Variants in PDE1A observed in about 807,000 individuals in gnomAD.
The protein encoded by PDE1A is dual specificity calcium/calmodulin-dependent 3',5'-cyclic nucleotide phosphodiesterase 1A.
PDE1A carries 35 observed loss-of-function variants against 61.7 expected under a neutral mutation model. The observed-to-expected ratio is 0.57, with a 90% CI of 0.43 to 0.75. The LOEUF (loss-of-function observed/expected upper bound fraction) is 0.75, where lower values mean the gene tolerates loss of function less well. Ranked by LOEUF, PDE1A falls within the 30% of genes least tolerant of loss-of-function variation. The pLI is 0.00. For synonymous variants in PDE1A, 232 were observed against 213.2 expected, an observed-to-expected ratio of 1.09 and a Z score of -0.77; for missense variants, 597 against 630.6, an observed-to-expected ratio of 0.95 and a Z score of 0.57.
intron 7 of PDE1A, among the ~76,000 whole-genome samples, chr2:182,206,505 G>T (rs1309414926): frequency 6.6e-6 from 1 of 152,130 alleles, no homozygotes; most frequent in African/African-American, 2.4e-5. Context: ...TACTATTATA[G>T]TACCATACAG....
intron 1 of PDE1A, among the ~76,000 whole-genome samples, chr2:182,360,673 T>C (rs1182580804): frequency 1.3e-5 from 2 of 151,880 alleles, no homozygotes; most frequent in African/African-American, 4.8e-5. Flanking sequence ...AAAGTGAATA[T>C]AATAGTAATG....
chr2:182,404,450 G>A (rs1702191127), intron 1 of PDE1A, among the ~76,000 whole-genome samples: 2 of 152,092 alleles, frequency 1.3e-5, no homozygotes, highest in Admixed American at 6.6e-5. Flanking sequence ...TTTTTTAAAT[G>A]TTTCTTTCTT....
At chr2:182,168,732 T>C (rs1043857924) in intron 13 of PDE1A, among the ~76,000 whole-genome samples, 3 of 152,142 alleles carry the variant, frequency 2.0e-5, no homozygotes, top group Non-Finnish European at 2.9e-5. Context: ...GAAATGATAT[T>C]CTATCTGTGA....
chr2:182,559,771 A>G, the PDE1A span, among the ~76,000 whole-genome samples: 1 of 152,216 alleles, frequency 6.6e-6, no homozygotes, highest in Non-Finnish European at 1.5e-5. Context: ...TATTCACACA[A>G]TGAAGCACTA....
chr2:182,154,714 G>C (rs1023946803), intron 13 of PDE1A, among the ~76,000 whole-genome samples: 1 of 152,112 alleles, frequency 6.6e-6, no homozygotes, highest in African/African-American at 2.4e-5. Context: ...CCGTGAGTCC[G>C]TTAAACCTCT....
At chr2:182,310,417 T>C (rs1415559066) in intron 1 of PDE1A, among the ~76,000 whole-genome samples, 1 of 152,184 alleles carries the variant, frequency 6.6e-6, no homozygotes, top group Admixed American at 6.5e-5. Flanking sequence ...AGGGAAATCA[T>C]TGAAAAAGAA....
intron 1 of PDE1A, among the ~76,000 whole-genome samples, chr2:182,402,968 A>G (rs542712230): frequency 8.5e-5 from 13 of 152,352 alleles, no homozygotes; most frequent in African/African-American, 3.1e-4. Flanking sequence ...CAAAGCCACA[A>G]TGAGATACCA....
exon 5 of PDE1A, chr2:182,231,038 A>G: frequency 6.3e-7 from 1 of 1,586,952 alleles, no homozygotes; most frequent in Non-Finnish European, 8.6e-7. Flanking sequence ...ATAAGATCAT[A>G]TCTGGTAAAC....
intron 2 of PDE1A, among the ~76,000 whole-genome samples, chr2:182,449,040 T>TCATACA (rs1468051953): frequency 3.1e-4 from 28 of 90,326 alleles, no homozygotes; most frequent in African/African-American, 1.0e-3. Context: ...CAGGATCACA[T>TCATACA]CATACACATA....
intron 13 of PDE1A, among the ~76,000 whole-genome samples, chr2:182,182,825 C>A (rs550549526): frequency 6.6e-6 from 1 of 151,894 alleles, no homozygotes; most frequent in Non-Finnish European, 1.5e-5. Context: ...CTCCATCATT[C>A]TCTTTCTAAC....
Position 182,169,916 on chromosome 2 carries a change from A to ACG in PDE1A, c.1517-1627_1517-1626insCG, listed in dbSNP as rs778813664. 8.7e-3 allele frequency among the ~76,000 whole-genome samples: 1,050 copies of ACG among 121,092 alleles called. 11 individuals carry two copies. The highest frequency in any genetic ancestry group is 0.032 in the African/African-American group (953 of 29,734). 79.4% of individuals were successfully genotyped at this position (121,092 alleles called of 152,430 possible). On this transcript the variant is annotated intron_variant, in intron 13 of 13. Transcript: ENST00000351439. ...GACACACACACACACACACACACAC[A>ACG]CACACGCACACACACACACACACTC...
chr2:182,350,797 C>T (rs965071301), intron 1 of PDE1A, among the ~76,000 whole-genome samples: 1 of 152,066 alleles, frequency 6.6e-6, no homozygotes, highest in Non-Finnish European at 1.5e-5. Context: ...AGGTAGAGTC[C>T]CCCAGGACCC....
chr2:182,339,564 C>G (rs768173897), intron 1 of PDE1A, among the ~76,000 whole-genome samples: 1 of 152,124 alleles, frequency 6.6e-6, no homozygotes, highest in Non-Finnish European at 1.5e-5. Context: ...CAATTCAATT[C>G]TTTGTGTTAA....
chr2:182,522,538 T>G, intron 1 of PDE1A: 1 of 1,442,074 alleles, frequency 6.9e-7, no homozygotes, highest in Non-Finnish European at 9.1e-7. Context: ...GATTTGCTAT[T>G]GACTTTGACA....
intron 13 of PDE1A, among the ~76,000 whole-genome samples, chr2:182,161,690 G>A (rs1691389879): frequency 6.6e-6 from 1 of 152,148 alleles, no homozygotes. Context: ...TGACCCACAA[G>A]GAGGTGCGCT....
intron 1 of PDE1A, among the ~76,000 whole-genome samples, chr2:182,378,316 A>G (rs1700536979): frequency 6.6e-6 from 1 of 152,204 alleles, no homozygotes; most frequent in East Asian, 1.9e-4. Context: ...AAATTTGAAC[A>G]AGATTGTTTC....
At chr2:182,448,852 T>A (rs1381824743) in intron 2 of PDE1A, among the ~76,000 whole-genome samples, 4 of 152,034 alleles carry the variant, frequency 2.6e-5, no homozygotes, top group Admixed American at 6.6e-5. Flanking sequence ...AAAGGTACTA[T>A]AGAGATTATT....
chr2:182,210,466 T>G (rs909038159), intron 7 of PDE1A, among the ~76,000 whole-genome samples: 10 of 152,232 alleles, frequency 6.6e-5, no homozygotes, highest in African/African-American at 1.2e-4. Context: ...CTGGAGTGAC[T>G]GGTAAAGTTT....
At chr2:182,711,445 A>G in the PDE1A span, among the ~76,000 whole-genome samples, 1 of 152,148 alleles carries the variant, frequency 6.6e-6, no homozygotes, top group African/African-American at 2.4e-5. Context: ...ACAGTTTTAT[A>G]CATATGTAAA....
Sources: gnomAD v4.1 joint callset for allele counts (sites outside exome capture counted in the v4.1 genomes callset) on GRCh38, gnomAD v4.1.1 for gene constraint, MANE v1.5 for transcripts, NCBI Gene and HGNC (gene_info 2026-07-23, HGNC 2026-07-21) for gene names.